Variants in CHN2 observed in about 807,000 individuals in gnomAD.
CHN2 encodes beta-chimaerin.
CHN2 carries 35 observed loss-of-function variants against 56.3 expected under a neutral mutation model. The observed-to-expected ratio is 0.62, with a 90% CI of 0.47 to 0.82. The LOEUF (loss-of-function observed/expected upper bound fraction) is 0.82. Among genes scored for constraint, CHN2 ranks in the 40% least tolerant of loss-of-function variants. The pLI is 0.00. For synonymous variants in CHN2, 210 were observed against 212.8 expected (o/e 0.99, Z 0.12); for missense variants, 491 against 580.5 (o/e 0.85, Z 1.58).
At chr7:29,164,304 T>C (rs1477235726) in intron 2 of CHN2, among the ~76,000 whole-genome samples, 2 of 152,206 alleles carry the variant, frequency 1.3e-5, no homozygotes, top group Non-Finnish European at 2.9e-5. Flanking sequence ...TTTTGTAAAA[T>C]GTCTATTTGA....
intron 1 of CHN2, among the ~76,000 whole-genome samples, chr7:29,306,357 C>G (rs1794166527): frequency 6.6e-6 from 1 of 152,124 alleles, no homozygotes; most frequent in South Asian, 2.1e-4. Context: ...AATGGAGGTA[C>G]TGGCATCATG....
intron 6 of CHN2, among the ~76,000 whole-genome samples, chr7:29,476,594 G>C (rs4722913): frequency 4.0e-5 from 6 of 151,152 alleles, no homozygotes; most frequent in African/African-American, 1.5e-4. Flanking sequence ...TATGCAAAGC[G>C]CTGAGTATAA....
intron 1 of CHN2, among the ~76,000 whole-genome samples, chr7:29,297,633 G>C (rs1793288449): frequency 6.6e-6 from 1 of 152,154 alleles, no homozygotes; most frequent in East Asian, 1.9e-4. Flanking sequence ...AGTTTGCACA[G>C]AGAGAGGGCG....
chr7:29,360,598 A>G (rs1176655866), intron 2 of CHN2, among the ~76,000 whole-genome samples: 1 of 152,240 alleles, frequency 6.6e-6, no homozygotes, highest in Non-Finnish European at 1.5e-5. Flanking sequence ...GGTTGAGCCA[A>G]GGAAGACACC....
At chr7:29,257,094 G>T (rs906029251) in intron 1 of CHN2, among the ~76,000 whole-genome samples, 2 of 152,178 alleles carry the variant, frequency 1.3e-5, no homozygotes, top group Admixed American at 1.3e-4. Flanking sequence ...TTCCCAGGCT[G>T]CCTGGTCTGA....
chr7:29,319,571 G>C (rs1795195222), intron 1 of CHN2, among the ~76,000 whole-genome samples: 1 of 152,160 alleles, frequency 6.6e-6, no homozygotes, highest in African/African-American at 2.4e-5. Context: ...TGCCAAAATT[G>C]TTGATTTATA....
chr7:29,189,845 G>T (rs1334366068), upstream of CHN2, among the ~76,000 whole-genome samples: 1 of 152,188 alleles, frequency 6.6e-6, no homozygotes, highest in Admixed American at 6.5e-5. Flanking sequence ...CTGCAGCTCA[G>T]TGAGAAAGAC....
At chr7:29,328,331 G>C (rs923594869) in intron 1 of CHN2, among the ~76,000 whole-genome samples, 1 of 152,150 alleles carries the variant, frequency 6.6e-6, no homozygotes, top group Non-Finnish European at 1.5e-5. Flanking sequence ...TTTTACTCTA[G>C]TTCAAAGTCT....
intron 1 of CHN2, among the ~76,000 whole-genome samples, chr7:29,252,447 C>T (rs900012523): frequency 6.6e-6 from 1 of 151,548 alleles, no homozygotes; most frequent in Admixed American, 6.6e-5. Flanking sequence ...TTCAGCCTCC[C>T]AAAGTGCTGG....
intron 1 of CHN2, chr7:29,212,598 CTG>C (rs1182218438): frequency 4.9e-5 from 69 of 1,404,828 alleles, no homozygotes; most frequent in Non-Finnish European, 7.0e-5. Context: ...AAGACCAGAA[CTG>C]TGTTTTCTTC....
intron 6 of CHN2, among the ~76,000 whole-genome samples, chr7:29,421,353 A>G (rs774977435): frequency 1.4e-4 from 22 of 152,246 alleles, no homozygotes; most frequent in Non-Finnish European, 2.9e-4. Flanking sequence ...CCTTTGGGCT[A>G]CTTTAGTGCC....
chr7:29,224,364 TAA>T (rs1310826538), intron 1 of CHN2, among the ~76,000 whole-genome samples: 1 of 152,252 alleles, frequency 6.6e-6, no homozygotes, highest in Admixed American at 6.5e-5. Context: ...AAATTTTAGT[TAA>T]GTTATATTCA....
intron 1 of CHN2, chr7:29,146,826 T>C (rs1300986216): frequency 1.3e-6 from 2 of 1,550,596 alleles, no homozygotes; most frequent in South Asian, 2.4e-5. Context: ...ACCCTGTATT[T>C]TGAAATTATT....
chr7:29,232,908 C>T (rs1379590057), intron 1 of CHN2, among the ~76,000 whole-genome samples: 4 of 152,222 alleles, frequency 2.6e-5, no homozygotes, highest in Non-Finnish European at 5.9e-5. Context: ...GAATTGTCCT[C>T]ATGTGTACAT....
chr7:29,473,482 T>TTGTGTG (rs1554299030), intron 6 of CHN2, among the ~76,000 whole-genome samples: 4 of 118,166 alleles, frequency 3.4e-5, no homozygotes, highest in African/African-American at 1.0e-4. Context: ...TTTTTTTTTT[T>TTGTGTG]TGTGTGTGTG....
At chr7:29,337,652 A>G (rs1043760146) in intron 1 of CHN2, among the ~76,000 whole-genome samples, 3 of 152,150 alleles carry the variant, frequency 2.0e-5, no homozygotes, top group African/African-American at 7.2e-5. Context: ...TCCTGCATAC[A>G]TTTGTTCAAG....
At chr7:29,194,253 G>GCCCCGCGCCCGGCCCCGGCCTC (rs1468020702), upstream of CHN2, 1 of 143,184 alleles carries the variant, frequency 7.0e-6, no homozygotes, top group Non-Finnish European at 1.5e-5. Context: ...AGCCGCGCTC[G>GCCCCGCGCCCGGCCCCGGCCTC]CCCCGCGCCC....
At chr7:29,503,539 T>C (rs779503927) in intron 9 of CHN2, among the ~76,000 whole-genome samples, 3 of 152,104 alleles carry the variant, frequency 2.0e-5, no homozygotes, top group African/African-American at 4.8e-5. Context: ...ACCTGAACAA[T>C]TGGAACTGAG....
chr7:29,221,032 G>C (rs575889194), intron 1 of CHN2, among the ~76,000 whole-genome samples: 2 of 152,290 alleles, frequency 1.3e-5, no homozygotes, highest in South Asian at 2.1e-4. Context: ...AATTATTTCA[G>C]TAGAGAAGAC....
Sources: allele counts gnomAD v4.1 joint callset (sites outside exome capture counted in the v4.1 genomes callset), GRCh38; gene constraint gnomAD v4.1.1; transcripts MANE v1.5; gene names NCBI Gene and HGNC (gene_info 2026-07-23, HGNC 2026-07-21).